The following BTBD10 variants were observed in gnomAD, a reference collection of about 807,000 sequenced individuals.
BTBD10 encodes the protein BTB/POZ domain-containing protein 10.
Under a neutral mutation model 53.2 loss-of-function variants are expected in BTBD10, and 21 were observed. That is an observed-to-expected ratio of 0.39 (90% CI 0.28 to 0.57). The LOEUF is 0.57. Ranked by LOEUF, BTBD10 falls within the 20% of genes least tolerant of loss-of-function variation. The probability of loss-of-function intolerance (pLI) is 0.53; values close to 1 mark genes in which losing one functional copy is unlikely to be tolerated. For missense variants in BTBD10, 360 were observed against 594.7 expected (o/e 0.61, Z 4.10); for synonymous variants, 149 against 192.7 (o/e 0.77, Z 1.88).
intron 1 of BTBD10, 127 bp from the exon 2 acceptor site, chr11:13,445,308 C>T (rs999132866): frequency 4.9e-6 from 2 of 406,468 alleles, no homozygotes; most frequent in Admixed American, 8.3e-5. Context: ...AAATACTAAC[C>T]ATACAAATGC....
intron 6 of BTBD10, among the ~76,000 whole-genome samples, chr11:13,408,455 CTTTG>C (rs1282291616): frequency 3.3e-5 from 5 of 152,150 alleles, no homozygotes; most frequent in African/African-American, 1.2e-4. Flanking sequence ...CTTTAATACA[CTTTG>C]TTTAAATATT....
chr11:13,463,219 CTGCGCGTAGCGGAGCCGCCCCGGCAGGT>C (rs935765691), exon 1 of BTBD10: 5 of 148,580 alleles, frequency 3.4e-5, no homozygotes, highest in African/African-American at 4.9e-5. Context: ...ACTGAGGCGG[CTGCGCGTAGCGGAGCCGCCCCGGCAGGT>C]TGCAGGCCGG....
intron 7 of BTBD10, among the ~76,000 whole-genome samples, 189 bp from the exon 8 acceptor site, chr11:13,403,467 A>C (rs1433685284): frequency 6.6e-6 from 1 of 152,186 alleles, no homozygotes; most frequent in African/African-American, 2.4e-5. Context: ...GCAAATGTCT[A>C]CTTAAGTGGA....
Position 13,454,726 on chromosome 11 carries a change from A to C in BTBD10, c.-58+8366T>G, listed in dbSNP as rs1471171062. Among the ~76,000 whole-genome samples, 6 of 151,526 alleles carry C rather than the reference A, an allele frequency of 4.0e-5. No homozygotes were observed. In the East Asian group the frequency reaches 1.2e-3, roughly 29 times the overall value. On this transcript the variant is annotated intron_variant, in intron 1 of 8. Transcript: ENST00000278174. ...TAAATTAAATAAAAATTTTAAAATT[A>C]AAAAGATTTTTAAAAATAAAATAAA...
chr11:13,455,311 T>C (rs905005198), intron 1 of BTBD10, among the ~76,000 whole-genome samples: 17 of 152,234 alleles, frequency 1.1e-4, no homozygotes, highest in Admixed American at 6.5e-5. Context: ...GATTTGGATA[T>C]AAAATCTTTG....
At chr11:13,448,159 T>TAA (rs988828518) in intron 1 of BTBD10, among the ~76,000 whole-genome samples, 1 of 152,148 alleles carries the variant, frequency 6.6e-6, no homozygotes, top group African/African-American at 2.4e-5. Context: ...TGAAGTAAGT[T>TAA]AGACATTATT....
intron 1 of BTBD10, among the ~76,000 whole-genome samples, chr11:13,454,610 G>A (rs868384999): frequency 6.6e-6 from 1 of 152,092 alleles, no homozygotes; most frequent in South Asian, 2.1e-4. Flanking sequence ...CCACCTACTT[G>A]GTAGGCTGAG....
At chr11:13,449,266 A>G (rs1424905455) in intron 1 of BTBD10, among the ~76,000 whole-genome samples, 1 of 152,188 alleles carries the variant, frequency 6.6e-6, no homozygotes, top group East Asian at 1.9e-4. Context: ...TGCACAGTGT[A>G]TGGAGACCAC....
intron 8 of BTBD10, among the ~76,000 whole-genome samples, chr11:13,401,939 AAC>A: frequency 6.6e-6 from 1 of 152,252 alleles, no homozygotes; most frequent in Middle Eastern, 3.4e-3. Context: ...TTCCTACCTC[AAC>A]ACTTTTGCAC....
chr11:13,408,903 T>C (rs1454250300), intron 6 of BTBD10, among the ~76,000 whole-genome samples: 1 of 152,190 alleles, frequency 6.6e-6, no homozygotes, highest in Admixed American at 6.5e-5. Flanking sequence ...GTGATTCTTT[T>C]AAACCTTAAG....
intron 2 of BTBD10, 120 bp from the exon 3 acceptor site, chr11:13,421,958 T>C: frequency 2.6e-6 from 2 of 763,616 alleles, no homozygotes; most frequent in South Asian, 5.3e-5. Flanking sequence ...AAATGCTACT[T>C]TCTAATTCTG....
At chr11:13,403,668 C>A (rs1949758705) in intron 7 of BTBD10, among the ~76,000 whole-genome samples, 1 of 152,128 alleles carries the variant, frequency 6.6e-6, no homozygotes, top group African/African-American at 2.4e-5. Flanking sequence ...TCTACAAGGC[C>A]TAGTCTAGAG....
intron 8 of BTBD10, among the ~76,000 whole-genome samples, chr11:13,393,133 ATTTGTG>A (rs938535964): frequency 3.3e-5 from 5 of 152,228 alleles, no homozygotes; most frequent in Non-Finnish European, 5.9e-5. Context: ...CCCACAACAC[ATTTGTG>A]TTTAACAACA....
intron 1 of BTBD10, among the ~76,000 whole-genome samples, chr11:13,447,274 C>T (rs893182492): frequency 6.6e-6 from 1 of 152,002 alleles, no homozygotes; most frequent in Non-Finnish European, 1.5e-5. Context: ...CCGTTTCTTT[C>T]GAGACAGGGT....
rs546593637 is a variant in BTBD10, at chr11:13,396,925, T to C, written c.1117+6243A>G. On this transcript the variant is annotated intron_variant, in intron 8 of 8. Coordinates refer to ENST00000278174, the MANE Select transcript of BTBD10 (RefSeq NM_032320.7). ...CATGGTGGATAAGCTTTTTGATGTG[T>C]TGCTGGATTCGGTTTGCCAGAATTT... Among the ~76,000 whole-genome samples, 13 of 152,338 alleles carry C rather than the reference T, an allele frequency of 8.5e-5. No individual in the cohort carries two copies. In the East Asian group the frequency reaches 2.5e-3, roughly 29 times the overall value.
At chr11:13,396,052 G>T (rs1949543456) in intron 8 of BTBD10, among the ~76,000 whole-genome samples, 1 of 152,182 alleles carries the variant, frequency 6.6e-6, no homozygotes, top group Admixed American at 6.5e-5. Context: ...GAACTTTAAA[G>T]TAGTTTTTTC....
At chr11:13,393,710 T>G (rs376096295) in intron 8 of BTBD10, among the ~76,000 whole-genome samples, 3 of 152,170 alleles carry the variant, frequency 2.0e-5, no homozygotes, top group East Asian at 1.9e-4. Context: ...TATCATAGAT[T>G]GTAGTACACA....
At chr11:13,438,491 G>C (rs1950583951) in intron 2 of BTBD10, among the ~76,000 whole-genome samples, 1 of 151,946 alleles carries the variant, frequency 6.6e-6, no homozygotes, top group Non-Finnish European at 1.5e-5. Flanking sequence ...TACAAAATAT[G>C]TATGTACAAA....
intron 5 of BTBD10, among the ~76,000 whole-genome samples, chr11:13,415,899 A>G (rs1359060833): frequency 2.0e-5 from 3 of 151,500 alleles, no homozygotes. Flanking sequence ...CAAGCCATCC[A>G]CCTGCCTTGG....
Sources: allele counts gnomAD v4.1 joint callset (sites outside exome capture counted in the v4.1 genomes callset), GRCh38; gene constraint gnomAD v4.1.1; transcripts MANE v1.5; gene names NCBI Gene and HGNC (gene_info 2026-07-23, HGNC 2026-07-21).